SASH1: variants seen among roughly 807,000 people sequenced by gnomAD.
SASH1 encodes the protein SAM and SH3 domain containing 1, also known as SAM and SH3 domain-containing protein 1.
In SASH1, 44 loss-of-function variants were observed where a neutral mutation model predicts 125.2. That is an observed-to-expected ratio of 0.35 (90% CI 0.28 to 0.45). The LOEUF is 0.45. Among genes scored for constraint, SASH1 ranks in the 20% least tolerant of loss-of-function variants. The probability of loss-of-function intolerance (pLI) is 1.00; values close to 1 mark genes in which losing one functional copy is unlikely to be tolerated. For synonymous variants in SASH1, 639 were observed against 649.1 expected (o/e 0.98, Z 0.24); for missense variants, 1,426 against 1,614.5 (o/e 0.88, Z 2.00).
chr6:148,409,634 A>G (rs530636180), intron 2 of SASH1, among the ~76,000 whole-genome samples: 17 of 152,350 alleles, frequency 1.1e-4, no homozygotes, highest in Middle Eastern at 3.4e-3. Context: ...GCAGCCACAA[A>G]GTATGTATCA....
intron 1 of SASH1, among the ~76,000 whole-genome samples, chr6:148,353,117 G>A (rs117964406): frequency 0.033 from 4,941 of 151,996 alleles, 117 homozygotes; most frequent in Admixed American, 0.046. Context: ...CACGCAGGCT[G>A]GAGTGCAGTG....
chr6:148,336,298 C>G (rs1481620420), intron 1 of SASH1, among the ~76,000 whole-genome samples: 1 of 150,650 alleles, frequency 6.6e-6, no homozygotes, highest in Non-Finnish European at 1.5e-5. Flanking sequence ...GCCTCAGCCT[C>G]CCGAGTAGCT....
chr6:148,528,217 G>C (rs946656653), intron 12 of SASH1, among the ~76,000 whole-genome samples: 8 of 152,134 alleles, frequency 5.3e-5, no homozygotes, highest in African/African-American at 1.9e-4. Context: ...AGAAATGACT[G>C]TTTCTGTCTA....
chr6:148,453,688 G>A (rs1000281092), intron 4 of SASH1, among the ~76,000 whole-genome samples: 1 of 152,308 alleles, frequency 6.6e-6, no homozygotes, highest in South Asian at 2.1e-4. Flanking sequence ...CCAGCAGTAA[G>A]CCCTGGAAAG....
At chr6:148,220,124 CAG>C in the SASH1 span, among the ~76,000 whole-genome samples, 2 of 152,172 alleles carry the variant, frequency 1.3e-5, no homozygotes, top group Non-Finnish European at 2.9e-5. Flanking sequence ...CAAAATACCA[CAG>C]ACTCAGTAAT....
chr6:148,262,864 ACT>A, the SASH1 span, among the ~76,000 whole-genome samples: 2 of 152,022 alleles, frequency 1.3e-5, no homozygotes, highest in African/African-American at 2.4e-5. Flanking sequence ...CAAGAGTAAG[ACT>A]CTGTCTCAAA....
intron 4 of SASH1, among the ~76,000 whole-genome samples, chr6:148,464,503 G>A (rs1277935789): frequency 1.3e-5 from 2 of 152,170 alleles, no homozygotes; most frequent in African/African-American, 2.4e-5. Flanking sequence ...CTGGCTGGAG[G>A]AAGGAGGTAC....
At chr6:148,460,864 T>C (rs552271715) in intron 4 of SASH1, among the ~76,000 whole-genome samples, 13 of 152,200 alleles carry the variant, frequency 8.5e-5, no homozygotes, top group Non-Finnish European at 1.6e-4. Flanking sequence ...ATCTCAATTA[T>C]TTGAGAGAGG....
chr6:148,323,173 C>A (rs1453352323), intron 1 of SASH1, among the ~76,000 whole-genome samples: 1 of 152,104 alleles, frequency 6.6e-6, no homozygotes, highest in Non-Finnish European at 1.5e-5. Context: ...CCATGCCCAG[C>A]TAATTTTTGT....
At chr6:148,324,737 T>C (rs1780750922) in intron 1 of SASH1, among the ~76,000 whole-genome samples, 1 of 152,362 alleles carries the variant, frequency 6.6e-6, no homozygotes, top group Middle Eastern at 3.4e-3. Flanking sequence ...AATGCAATTT[T>C]ATAGGATGAC....
intron 1 of SASH1, among the ~76,000 whole-genome samples, chr6:148,374,696 A>AT (rs1006553815): frequency 1.2e-3 from 138 of 111,326 alleles, no homozygotes; most frequent in African/African-American, 4.5e-3. Context: ...GGTTTACAGC[A>AT]TTTTTTTTGG....
chr6:148,420,277 C>T (rs1022881445), intron 2 of SASH1, among the ~76,000 whole-genome samples: 7 of 151,862 alleles, frequency 4.6e-5, no homozygotes, highest in South Asian at 2.1e-4. Flanking sequence ...TAAGAAAAAC[C>T]GATTTTAAGC....
At chr6:148,385,735 G>A (rs1562369168) in intron 1 of SASH1, among the ~76,000 whole-genome samples, 1 of 152,186 alleles carries the variant, frequency 6.6e-6, no homozygotes, top group Non-Finnish European at 1.5e-5. Flanking sequence ...GGGAGCTTCT[G>A]GATAGCTGAA....
rs868757802 is a variant in SASH1, at chr6:148,327,376, C to T, written n.74+54999C>T. Among the ~76,000 whole-genome samples, 98 of 151,616 alleles carry T rather than the reference C, an allele frequency of 6.5e-4. 1 individual carries two copies. In the Middle Eastern group the frequency reaches 0.014, roughly 21 times the overall value. On this transcript the variant is annotated intron_variant and non_coding_transcript_variant, in intron 1 of 3. Transcript: ENST00000367469. ...CTCGGCTCACTGCAACCTCCGCCTC[C>T]GAGGTTCAAGGAATTCTCCTGCCTC...
At chr6:148,450,209 A>T (rs1191102836) in intron 4 of SASH1, among the ~76,000 whole-genome samples, 3 of 152,154 alleles carry the variant, frequency 2.0e-5, no homozygotes, top group Non-Finnish European at 4.4e-5. Context: ...ATCTCCCGAA[A>T]ATACACTCAG....
At chr6:148,390,109 C>A (rs374827312) in intron 1 of SASH1, 25 bp from the exon 2 acceptor site, 1 of 1,610,874 alleles carries the variant, frequency 6.2e-7, no homozygotes, top group South Asian at 1.1e-5. Flanking sequence ...CTGACCTGAC[C>A]GCCTTTGTTT....
At chr6:148,338,687 T>C (rs1457046857), upstream of SASH1, among the ~76,000 whole-genome samples, 1 of 152,054 alleles carries the variant, frequency 6.6e-6, no homozygotes, top group African/African-American at 2.4e-5. Context: ...GATTTCTTTA[T>C]AAGGAAAGGA....
chr6:148,489,888 A>G (rs7767807), intron 8 of SASH1, among the ~76,000 whole-genome samples: 21,823 of 135,110 alleles, frequency 0.16, 1,868 homozygotes, highest in African/African-American at 0.27. Context: ...GTGTGTGTGT[A>G]TAGTGTTAGG....
chr6:148,318,451 G>A (rs1780539315), intron 1 of SASH1, among the ~76,000 whole-genome samples: 1 of 151,714 alleles, frequency 6.6e-6, no homozygotes, highest in South Asian at 2.1e-4. Context: ...TTATTTGTTT[G>A]TTCAAAAAAT....
Sources: allele counts gnomAD v4.1 joint callset (sites outside exome capture counted in the v4.1 genomes callset), GRCh38; gene constraint gnomAD v4.1.1; transcripts MANE v1.5; gene names NCBI Gene and HGNC (gene_info 2026-07-23, HGNC 2026-07-21).